CLNK: variants seen among roughly 807,000 people sequenced by gnomAD.
The protein encoded by CLNK is cytokine dependent hematopoietic cell linker.
CLNK carries 74 observed loss-of-function variants against 68.6 expected under a neutral mutation model. The ratio of observed to expected loss-of-function variants is 1.08; its 90% confidence interval spans 0.89 to 1.31. The LOEUF (loss-of-function observed/expected upper bound fraction) is 1.31. Among genes scored for constraint, CLNK ranks in the 50% most tolerant of loss-of-function variants. The pLI is 0.00. For missense variants in CLNK, 553 were observed against 515.3 expected (o/e 1.07, Z -0.71); for synonymous variants, 198 against 172.2 (o/e 1.15, Z -1.17).
intron 9 of CLNK, 21 bp from the exon 10 acceptor site, chr4:10,542,062 C>T: frequency 6.3e-7 from 1 of 1,583,464 alleles, no homozygotes; most frequent in Non-Finnish European, 8.6e-7. Flanking sequence ...AAAGAGAAAC[C>T]TAAATTAAGT....
intron 2 of CLNK, among the ~76,000 whole-genome samples, chr4:10,643,448 C>T (rs61796798): frequency 0.041 from 6,288 of 152,336 alleles, 186 homozygotes; most frequent in Middle Eastern, 0.099. Flanking sequence ...AATAGTCTAT[C>T]ATGGTTGCCT....
intron 2 of CLNK, among the ~76,000 whole-genome samples, chr4:10,655,208 T>C (rs1429352181): frequency 2.0e-5 from 3 of 152,094 alleles, no homozygotes; most frequent in Non-Finnish European, 4.4e-5. Context: ...GTTCTCTCTG[T>C]CTCTTGGTCT....
chr4:10,597,284 G>A (rs1229902748), intron 3 of CLNK, among the ~76,000 whole-genome samples: 3 of 152,162 alleles, frequency 2.0e-5, no homozygotes, highest in South Asian at 2.1e-4. Context: ...AGTCCCACCT[G>A]AGCATGGGAG....
At chr4:10,639,096 C>T (rs1480505016) in intron 2 of CLNK, among the ~76,000 whole-genome samples, 1 of 152,210 alleles carries the variant, frequency 6.6e-6, no homozygotes, top group Non-Finnish European at 1.5e-5. Context: ...GACCCCAAAT[C>T]ATTGTACTGA....
the CLNK span, among the ~76,000 whole-genome samples, chr4:10,717,305 A>G: frequency 6.6e-6 from 1 of 152,178 alleles, no homozygotes; most frequent in Non-Finnish European, 1.5e-5. Flanking sequence ...GGGTGGAGTA[A>G]AAAGCCGTGG....
intron 2 of CLNK, among the ~76,000 whole-genome samples, chr4:10,614,408 T>G (rs562554904): frequency 6.6e-6 from 1 of 152,304 alleles, no homozygotes; most frequent in African/African-American, 2.4e-5. Flanking sequence ...ATGATGCCGT[T>G]GTTTCTCCAG....
At chr4:10,493,221 G>A (rs1716655877) in intron 18 of CLNK, among the ~76,000 whole-genome samples, 1 of 152,196 alleles carries the variant, frequency 6.6e-6, no homozygotes, top group African/African-American at 2.4e-5. Flanking sequence ...GGGAGGCTGA[G>A]GCAGGAGAAT....
At chr4:10,511,620 G>T (rs1717586902) in intron 16 of CLNK, among the ~76,000 whole-genome samples, 1 of 152,012 alleles carries the variant, frequency 6.6e-6, no homozygotes, top group African/African-American at 2.4e-5. Context: ...TCATATATTT[G>T]TCCTCCATGT....
chr4:10,548,323 G>C (rs150849415), intron 8 of CLNK, among the ~76,000 whole-genome samples: 4,045 of 152,240 alleles, frequency 0.027, 71 homozygotes, highest in Non-Finnish European at 0.039. Flanking sequence ...TGTCCACCCA[G>C]ATCCTTTGGA....
intron 2 of CLNK, among the ~76,000 whole-genome samples, chr4:10,657,510 C>A (rs1394355501): frequency 6.6e-6 from 1 of 152,094 alleles, no homozygotes; most frequent in African/African-American, 2.4e-5. Context: ...GAAAATGAAA[C>A]CTTGACAAAG....
chr4:10,596,229 T>C (rs1316048029), intron 3 of CLNK, among the ~76,000 whole-genome samples: 1 of 152,164 alleles, frequency 6.6e-6, no homozygotes. Context: ...TTCTCCATGT[T>C]GGTCAGGGTG....
At chr4:10,573,999 ATGACATTTAAATAC>A in intron 4 of CLNK, among the ~76,000 whole-genome samples, 1 of 152,196 alleles carries the variant, frequency 6.6e-6, no homozygotes, top group Non-Finnish European at 1.5e-5. Context: ...CTCACTCACC[ATGACATTTAAATAC>A]GAATAGGCAG....
intron 2 of CLNK, among the ~76,000 whole-genome samples, chr4:10,626,071 T>C (rs1415540647): frequency 1.3e-5 from 2 of 152,226 alleles, no homozygotes; most frequent in Non-Finnish European, 2.9e-5. Flanking sequence ...CTTTGACTGG[T>C]TGGGGGTGGT....
intron 1 of CLNK, among the ~76,000 whole-genome samples, chr4:10,678,510 A>G (rs1169950928): frequency 6.6e-6 from 1 of 152,196 alleles, no homozygotes. Context: ...GAGGAATTGT[A>G]AGACACCCAA....
upstream of CLNK, among the ~76,000 whole-genome samples, chr4:10,688,345 T>G (rs1459465623): frequency 1.3e-5 from 2 of 152,046 alleles, no homozygotes; most frequent in African/African-American, 2.4e-5. Context: ...ACTCAAGGCA[T>G]GAAACTCTTG....
chr4:10,655,330 A>AGAGAGAGAGAG lies in CLNK; in HGVS notation c.11+12528_11+12529insCTCTCTCTCTC, dbSNP rs1355299217. Among the ~76,000 whole-genome samples the AGAGAGAGAGAG allele has an allele frequency of 2.2e-3, 175 of 77,850 alleles. 1 individual carries two copies. Among genetic ancestry groups the AGAGAGAGAGAG allele is most frequent in the African/African-American group, 6.6e-3 (158 of 24,042 alleles). The allele number at this position is 77,850 out of a possible 152,430, so 51.1% of individuals were successfully genotyped here. A position where few individuals can be genotyped will look rare whatever the true frequency, so the allele number is the denominator to read the frequency against. On this transcript the variant is annotated intron_variant, in intron 2 of 18. Transcript: ENST00000226951. ...AAGTAATTCCGGCCTAAAACCCCCA[A>AGAGAGAGAGAG]AGACAGAGAGAGAGAGAGAGAGAGA...
the CLNK span, among the ~76,000 whole-genome samples, chr4:10,724,317 C>G: frequency 6.6e-6 from 1 of 152,046 alleles, no homozygotes; most frequent in Non-Finnish European, 1.5e-5. Context: ...TCACATGTCC[C>G]GCTCTTGAAG....
chr4:10,535,792 T>G (rs1718737487), intron 11 of CLNK, among the ~76,000 whole-genome samples: 1 of 152,040 alleles, frequency 6.6e-6, no homozygotes, highest in African/African-American at 2.4e-5. Context: ...TTGAAGTTAT[T>G]TATAATAATT....
intron 16 of CLNK, among the ~76,000 whole-genome samples, chr4:10,510,808 A>G (rs1017769170): frequency 1.3e-5 from 2 of 152,092 alleles, no homozygotes; most frequent in Non-Finnish European, 2.9e-5. Context: ...GATAAACTCA[A>G]CCTATTGCTA....
Sources: gnomAD v4.1 joint callset for allele counts (sites outside exome capture counted in the v4.1 genomes callset) on GRCh38, gnomAD v4.1.1 for gene constraint, MANE v1.5 for transcripts, NCBI Gene and HGNC (gene_info 2026-07-23, HGNC 2026-07-21) for gene names.